ARMH3: variants seen among roughly 807,000 people sequenced by gnomAD.
ARMH3 encodes armadillo-like helical domain-containing protein 3.
A neutral mutation model predicts 99.1 loss-of-function variants in ARMH3; 60 were observed. The observed-to-expected ratio is 0.61, with a 90% CI of 0.49 to 0.75. The LOEUF is 0.75. ARMH3 is among the 30% of genes least tolerant of loss of function. The probability of loss-of-function intolerance (pLI) is 0.00; values close to 1 mark genes in which losing one functional copy is unlikely to be tolerated. For synonymous variants in ARMH3, 285 were observed against 292.8 expected, an observed-to-expected ratio of 0.97 and a Z score of 0.27; for missense variants, 679 against 843.1, an observed-to-expected ratio of 0.81 and a Z score of 2.41.
chr10:102,039,150 AT>A (rs535465530), intron 2 of ARMH3, among the ~76,000 whole-genome samples: 168 of 141,344 alleles, frequency 1.2e-3, no homozygotes, highest in East Asian at 1.5e-3. Context: ...TTGATAGTGT[AT>A]TTTTTTTTTT....
At chr10:101,967,688 G>A (rs1445157247) in intron 20 of ARMH3, among the ~76,000 whole-genome samples, 1 of 152,174 alleles carries the variant, frequency 6.6e-6, no homozygotes, top group Non-Finnish European at 1.5e-5. Flanking sequence ...GGTGAGCTGG[G>A]ATCGCGCCAC....
intron 23 of ARMH3, among the ~76,000 whole-genome samples, chr10:101,932,733 AATG>A (rs1167679000): frequency 6.6e-6 from 1 of 152,190 alleles, no homozygotes; most frequent in Non-Finnish European, 1.5e-5. Context: ...CAGAAAACAG[AATG>A]ATAATAGCCA....
intron 20 of ARMH3, among the ~76,000 whole-genome samples, chr10:101,966,926 T>C (rs886532347): frequency 6.6e-6 from 1 of 152,226 alleles, no homozygotes. Flanking sequence ...GGAGGCTTAA[T>C]TATAAAACCA....
At chr10:101,919,040 G>A (rs1219214578) in intron 23 of ARMH3, among the ~76,000 whole-genome samples, 2 of 152,128 alleles carry the variant, frequency 1.3e-5, no homozygotes, top group Admixed American at 1.3e-4. Context: ...AAAATATTTA[G>A]TATTAAGAGT....
At chr10:101,949,989 AAG>A (rs1844716554) in intron 22 of ARMH3, among the ~76,000 whole-genome samples, 1 of 152,140 alleles carries the variant, frequency 6.6e-6, no homozygotes. Context: ...CAGGAAATAA[AAG>A]GGAATTTCCT....
At chr10:101,865,380 A>C (rs1438833457) in intron 24 of ARMH3, among the ~76,000 whole-genome samples, 1 of 152,180 alleles carries the variant, frequency 6.6e-6, no homozygotes, top group East Asian at 1.9e-4. Context: ...ATGCACACAA[A>C]CACCACACAT....
chr10:102,002,315 G>A (rs558220547), intron 14 of ARMH3, among the ~76,000 whole-genome samples: 5 of 151,982 alleles, frequency 3.3e-5, no homozygotes, highest in African/African-American at 7.3e-5. Context: ...CTCCAAGAAC[G>A]GTGCTTTTTC....
chr10:102,029,658 T>C lies in ARMH3; in HGVS notation c.394A>G (p.Lys132Glu). 6.2e-7 allele frequency: 1 copy of C among 1,614,220 alleles called. No individual in the cohort carries two copies. The highest frequency in any genetic ancestry group is 8.5e-7 in the Non-Finnish European group (1 of 1,180,038). ...CTCACCTTCATGCACAGCTCCGCCTTGTCAAAGCCCATCAGCATGTTGATA... is the reference window on the plus strand; with the variant it reads ...CTCACCTTCATGCACAGCTCCGCCTCGTCAAAGCCCATCAGCATGTTGATA... ...DIINMLMGFD[K>E]AELCMKNLME... is the part of the protein sequence containing the mutation. Residue 132 changes from lysine (K) to glutamate (E), a missense_variant, in exon 5 of 26, where the codon AAG (lysine) becomes GAG (glutamate). Coordinates refer to ENST00000370033, the MANE Select transcript of ARMH3 (RefSeq NM_024541.3).
At chr10:101,995,426 G>C in intron 15 of ARMH3, 71 bp from the exon 16 acceptor site, 1 of 1,259,980 alleles carries the variant, frequency 7.9e-7, no homozygotes, top group South Asian at 1.3e-5. Flanking sequence ...TACAGAACAA[G>C]GACGTATATC....
chr10:101,894,879 A>C (rs2067783958), intron 23 of ARMH3, among the ~76,000 whole-genome samples: 1 of 151,680 alleles, frequency 6.6e-6, no homozygotes, highest in Non-Finnish European at 1.5e-5. Flanking sequence ...CCAAAAAAAA[A>C]AAAAAAAAAG....
At chr10:101,884,566 T>A (rs1013273996) in intron 24 of ARMH3, among the ~76,000 whole-genome samples, 1 of 152,192 alleles carries the variant, frequency 6.6e-6, no homozygotes, top group Non-Finnish European at 1.5e-5. Flanking sequence ...CATAAAGGTA[T>A]GTTAAATACA....
Position 102,025,323 on chromosome 10 carries a change from T to C in ARMH3, c.415-75A>G, listed in dbSNP as rs2066977263. ...CTTTGTCTAACTCTGGGTTATGTTATACAGGGTAATGTGAATAACACACAA... is the reference window on the plus strand; with the variant it reads ...CTTTGTCTAACTCTGGGTTATGTTACACAGGGTAATGTGAATAACACACAA... On this transcript the variant is annotated intron_variant, in intron 5 of 25. Coordinates refer to ENST00000370033, the MANE Select transcript of ARMH3 (RefSeq NM_024541.3). 1.9e-5 allele frequency: 23 copies of C among 1,181,264 alleles called. No homozygotes were observed. In the Middle Eastern group the frequency reaches 5.8e-4, roughly 30 times the overall value. The allele number at this position is 1,181,264 out of a possible 1,614,324, so 73.2% of individuals were successfully genotyped here.
intron 23 of ARMH3, among the ~76,000 whole-genome samples, chr10:101,902,615 G>A (rs955764398): frequency 3.3e-5 from 5 of 151,984 alleles, no homozygotes; most frequent in African/African-American, 9.7e-5. Flanking sequence ...AAGAGCTGTG[G>A]TAGAAAGTGA....
chr10:102,033,836 T>C (rs1270571211), intron 2 of ARMH3, among the ~76,000 whole-genome samples: 1 of 152,260 alleles, frequency 6.6e-6, no homozygotes, highest in Non-Finnish European at 1.5e-5. Context: ...TGCATGGATA[T>C]ATATTCTCTG....
chr10:102,003,314 C>A (rs1327415710), intron 14 of ARMH3, among the ~76,000 whole-genome samples: 3 of 152,074 alleles, frequency 2.0e-5, no homozygotes, highest in Non-Finnish European at 4.4e-5. Context: ...AGGCACCCAC[C>A]ACCATGCCCA....
intron 22 of ARMH3, among the ~76,000 whole-genome samples, chr10:101,940,402 A>G (rs1286987084): frequency 6.6e-6 from 1 of 152,140 alleles, no homozygotes; most frequent in East Asian, 1.9e-4. Context: ...AACTCAGTCA[A>G]ACAGGACACA....
intron 23 of ARMH3, among the ~76,000 whole-genome samples, chr10:101,917,080 T>A (rs1381313782): frequency 6.6e-6 from 1 of 152,232 alleles, no homozygotes; most frequent in Non-Finnish European, 1.5e-5. Context: ...TCCCATAGCC[T>A]ATTTCCTCTT....
chr10:101,919,483 A>G (rs1448072092), intron 23 of ARMH3, among the ~76,000 whole-genome samples: 4 of 152,060 alleles, frequency 2.6e-5, no homozygotes, highest in Admixed American at 2.6e-4. Flanking sequence ...CTTTCCCTTA[A>G]TAGTCCCATC....
intron 23 of ARMH3, among the ~76,000 whole-genome samples, chr10:101,892,281 CAAAATA>C (rs1268907476): frequency 6.6e-6 from 1 of 151,632 alleles, no homozygotes; most frequent in Non-Finnish European, 1.5e-5. Flanking sequence ...CTTGTCTCTA[CAAAATA>C]AAAATAATAA....
Sources: allele counts gnomAD v4.1 joint callset (sites outside exome capture counted in the v4.1 genomes callset), GRCh38; gene constraint gnomAD v4.1.1; transcripts MANE v1.5; gene names NCBI Gene and HGNC (gene_info 2026-07-23, HGNC 2026-07-21).